The following MAMDC4 variants were observed in gnomAD, a reference collection of about 807,000 sequenced individuals.
MAMDC4 encodes apical endosomal glycoprotein.
A neutral mutation model predicts 153.3 loss-of-function variants in MAMDC4; 168 were observed. The ratio of observed to expected loss-of-function variants is 1.10; its 90% CI spans 0.97 to 1.25. The LOEUF (loss-of-function observed/expected upper bound fraction) is 1.25. Ranked by LOEUF, MAMDC4 falls within the 50% of genes most tolerant of loss-of-function variation. MAMDC4 has a pLI of 0.00. For synonymous variants in MAMDC4, 744 were observed against 651.5 expected (o/e 1.14, Z -2.16); for missense variants, 1,701 against 1,542.8 (o/e 1.10, Z -1.72).
chr9:136,857,384 C>G lies in MAMDC4; in HGVS notation c.2124C>G (p.Leu708=). 1 of 1,608,280 alleles carries G rather than the reference C, an allele frequency of 6.2e-7. No individual in the cohort carries two copies. Among genetic ancestry groups the G allele is most frequent in the South Asian group, 1.1e-5 (1 of 91,062 alleles). ...ACCCCCAGCTGCTGTTCGAGGGCCT[C>G]CGGGACGGATACCACGGCACCATGG... ...HAQYQLLFEG[L]RDGYHGTMAL... is the part of the protein sequence containing the mutation. The change falls in exon 18 of 27, where the codon CTC becomes CTG. Residue 708 remains leucine, a synonymous_variant. Transcript: ENST00000317446.
Position 136,854,826 on chromosome 9 carries a change from A to G in MAMDC4, c.999A>G (p.Gln333=). 6.2e-7 allele frequency: 1 copy of G among 1,612,768 alleles called. No homozygotes were observed. Among genetic ancestry groups the G allele is most frequent in the African/African-American group, 1.3e-5 (1 of 75,012 alleles). Residue 333 remains glutamine, a synonymous_variant, in exon 9 of 27, where the codon CAA becomes CAG. Coordinates refer to ENST00000317446, the MANE Select transcript of MAMDC4 (RefSeq NM_206920.3). ...TPAILSSPEF[Q]ASGTSNCSLV... ...CTATACTCTCCAGCCCCGAATTCCAAGCCTCAGGCACCTCCAACTGCTCGG... is the reference window on the plus strand; with the variant it reads ...CTATACTCTCCAGCCCCGAATTCCAGGCCTCAGGCACCTCCAACTGCTCGG...
rs1564387202 is a variant in MAMDC4, at chr9:136,856,273, T to G, written c.1720+124T>G. The G allele has an allele frequency of 2.0e-6, 3 of 1,489,592 alleles. No homozygotes were observed. The Admixed American group carries it at 5.0e-5, about 25-fold the overall frequency. 92.3% of individuals were successfully genotyped at this position (1,489,592 alleles called of 1,614,324 possible). ...GCTGGCCAGGCTTCCTGGCACTAGT[T>G]GTGGTGGACAACGGCTCCCGGGAGC... On this transcript the variant is annotated intron_variant, in intron 14 of 26. Coordinates refer to ENST00000317446, the MANE Select transcript of MAMDC4 (RefSeq NM_206920.3).
Position 136,858,215 on chromosome 9 carries a change from G to C in MAMDC4, c.2613G>C (p.Val871=). 1.3e-6 allele frequency: 2 copies of C among 1,598,754 alleles called. No individual in the cohort carries two copies. Among genetic ancestry groups the C allele is most frequent in the South Asian group, 2.2e-5 (2 of 90,026 alleles). The stretch of plus-strand genomic sequence containing the variant: ...TGTTTGAGGCAGTGGCCGCAGGCGT[G>C]GCACACTCCTACGTGGCTCTGGATG... ...RVVFEAVAAG[V]AHSYVALDDL... Residue 871 remains valine, a synonymous_variant, in exon 21 of 27, where the codon GTG becomes GTC. Coordinates refer to ENST00000317446, the MANE Select transcript of MAMDC4 (RefSeq NM_206920.3).
chr9:136,853,658 G>A lies in MAMDC4; in HGVS notation c.442G>A (p.Ala148Thr), dbSNP rs903929074. The change falls in exon 4 of 27, where the codon GCG becomes ACG. Residue 148 changes from alanine (A) to threonine (T), a missense_variant. By Grantham distance (58) the Ala-to-Thr change is moderately conservative. Transcript: ENST00000317446. ...SSCKLRLWYH[A>T]ASGDVAELRV... ...TTGCAAGCTGAGGCTCTGGTACCAC[G>A]CGGCCTCTGGAGGTGCACCCTGGAC... 8.7e-6 allele frequency: 14 copies of A among 1,611,590 alleles called. No individual in the cohort carries two copies. In the South Asian group the frequency reaches 1.1e-4, roughly 13 times the overall value.
At position 136,852,447 on chromosome 9, in the gene MAMDC4, T is replaced by C. The variant is rs1043092392; in HGVS notation, c.31T>C (p.Leu11=). The C allele has an allele frequency of 2.5e-6, 4 of 1,610,488 alleles. No individual in the cohort carries two copies. The Admixed American group carries it at 5.0e-5, about 20-fold the overall frequency. The change falls in exon 1 of 27, where the codon TTG becomes CTG. Residue 11 remains leucine, a synonymous_variant. Coordinates refer to ENST00000317446, the MANE Select transcript of MAMDC4 (RefSeq NM_206920.3). ...TCTGTCCAGCCACCTGCTGCCCGCC[T>C]TGGTCCTGTTCCTGGGTAAGTAGTC... The part of the protein sequence containing the change: MPLSSHLLPA[L]VLFLAGSSGW...
At chr9:136,856,685 T>A in intron 14 of MAMDC4, 25 bp from the exon 15 acceptor site, 1 of 1,608,308 alleles carries the variant, frequency 6.2e-7, no homozygotes, top group Non-Finnish European at 8.5e-7. Flanking sequence ...AGAAGGTGTG[T>A]GACGCCACCT....
rs1202260581 is a variant in MAMDC4, at chr9:136,859,995, G to A, written c.3303G>A (p.Lys1101=). 1.9e-6 allele frequency: 3 copies of A among 1,612,386 alleles called. No individual in the cohort carries two copies. The highest frequency in any genetic ancestry group is 1.3e-5 in the African/African-American group (1 of 75,034). ...GLGGRRWLQK[K]GSCPFQSNTE... is the part of the protein sequence containing the mutation. ...GGGGACGGCGCTGGCTGCAGAAGAAGGGGAGCTGCCCCTTCCAGAGCAACA... is the reference window on the plus strand; with the variant it reads ...GGGGACGGCGCTGGCTGCAGAAGAAAGGGAGCTGCCCCTTCCAGAGCAACA... The change falls in exon 26 of 27, where the codon AAG becomes AAA. Residue 1101 remains lysine, a synonymous_variant. Transcript: ENST00000317446.
rs1849027086 is a variant in MAMDC4, at chr9:136,857,687, A to G, written c.2355A>G (p.Pro785=). ...QGHYMVVDTS[P]DALPRGQTAS... ...ACTACATGGTGGTGGACACAAGCCCAGACGCACTACCCCGGGGCCAGACGG... is the reference window on the plus strand; with the variant it reads ...ACTACATGGTGGTGGACACAAGCCCGGACGCACTACCCCGGGGCCAGACGG... The change falls in exon 19 of 27, where the codon CCA becomes CCG. Residue 785 remains proline, a synonymous_variant. Transcript: ENST00000317446. The G allele has an allele frequency of 6.2e-7, 1 of 1,612,438 alleles. No homozygotes were observed. Among genetic ancestry groups the G allele is most frequent in the Non-Finnish European group, 8.5e-7 (1 of 1,179,808 alleles).
Position 136,858,005 on chromosome 9 carries a change from C to A in MAMDC4, c.2491C>A (p.Arg831Ser). ...PGTLRVYLEE[R>S]GRHQVLSLSA... ...CACCCTGCGGGTCTACCTGGAGGAG[C>A]GCGGGAGGCACCAGGTGCTCAGCCT... Residue 831 changes from arginine to serine, a missense_variant, in exon 20 of 27, where the codon CGC becomes AGC. Physicochemically the swap from Arg to Ser is moderately radical, Grantham distance 110 (BLOSUM62 -1). Transcript: ENST00000317446. 1 of 1,523,660 alleles carries A rather than the reference C, an allele frequency of 6.6e-7. No individual in the cohort carries two copies. The highest frequency in any genetic ancestry group is 8.8e-7 in the Non-Finnish European group (1 of 1,139,124). 94.4% of individuals were successfully genotyped at this position (1,523,660 alleles called of 1,614,324 possible).
chr9:136,859,890 C>T lies in MAMDC4; in HGVS notation c.3198C>T (p.Asn1066=), dbSNP rs764147910. 3.1e-6 allele frequency: 5 copies of T among 1,611,518 alleles called. No individual in the cohort carries two copies. The East Asian group carries it at 1.1e-4, about 36-fold the overall frequency. ...ACATGTCCCTATGGCCCACAGGGAACACAGCCGCACCCGGGTCTGTGCCAG... is the reference window on the plus strand; with the variant it reads ...ACATGTCCCTATGGCCCACAGGGAATACAGCCGCACCCGGGTCTGTGCCAG... The part of the protein sequence containing the change: ...HCQQPAPSPG[N]TAAPGSVPAV... The change falls in exon 26 of 27, where the codon AAC becomes AAT. Residue 1066 remains asparagine, a synonymous_variant. Coordinates refer to ENST00000317446, the MANE Select transcript of MAMDC4 (RefSeq NM_206920.3).
Position 136,860,062 on chromosome 9 carries a change from G to A in MAMDC4, c.3370G>A (p.Ala1124Thr). 3 of 1,567,858 alleles carry A rather than the reference G, an allele frequency of 1.9e-6. No homozygotes were observed. Among genetic ancestry groups the A allele is most frequent in the Non-Finnish European group, 2.6e-6 (3 of 1,156,052 alleles). ...TGGCTTTGACAACATCCTTTTCAAT[G>A]CGGTAGGAGCCCCTGGGGATGGGTG... ...APGFDNILFN[A>T]DGVTLPASVT... The change falls in exon 26 of 27, where the codon GCG (alanine) becomes ACG (threonine). Residue 1124 changes from alanine (A) to threonine (T), a missense_variant and splice_region_variant. Transcript: ENST00000317446.
chr9:136,853,873 C>T lies in MAMDC4; in HGVS notation c.551C>T (p.Ala184Val), dbSNP rs1033745771. The T allele has an allele frequency of 6.2e-7, 1 of 1,612,470 alleles. No homozygotes were observed. The highest frequency in any genetic ancestry group is 1.3e-5 in the African/African-American group (1 of 74,912). ...GPWGPGWQEL[A>V]VTTGRIRGDF... ...TGGGGCCCTGGCTGGCAGGAGTTGGCAGTGACCACAGGCCGCATCCGGGGT... is the reference window on the plus strand; with the variant it reads ...TGGGGCCCTGGCTGGCAGGAGTTGGTAGTGACCACAGGCCGCATCCGGGGT... Residue 184 changes from alanine to valine, a missense_variant, in exon 5 of 27, where the codon GCA becomes GTA. Transcript: ENST00000317446.
Position 136,858,061 on chromosome 9 carries a change from G to C in MAMDC4, c.2547G>C (p.Leu849=). The C allele has an allele frequency of 6.5e-7, 1 of 1,530,268 alleles. No homozygotes were observed. The highest frequency in any genetic ancestry group is 8.8e-7 in the Non-Finnish European group (1 of 1,140,426). The allele number at this position is 1,530,268 out of a possible 1,614,324, so 94.8% of individuals were successfully genotyped here. ...LSAHGGLAWR[L]GSMDVQAERA... ...CCCACGGCGGGCTTGCCTGGCGCCT[G>C]GGCAGCATGGACGTGCAGGCCGAGC... Residue 849 remains leucine, a synonymous_variant, in exon 20 of 27, where the codon CTG becomes CTC. Transcript: ENST00000317446.
chr9:136,854,186 G>C (rs751704893), intron 6 of MAMDC4, 25 bp from the exon 7 acceptor site: 6 of 1,611,898 alleles, frequency 3.7e-6, no homozygotes, highest in Non-Finnish European at 5.1e-6. Context: ...GGGCCTCGGT[G>C]AAGGGTTAAC....
At chr9:136,858,628 T>C in intron 22 of MAMDC4, 82 bp downstream of exon 22, 1 of 1,593,872 alleles carries the variant, frequency 6.3e-7, no homozygotes, top group Non-Finnish European at 8.5e-7. Flanking sequence ...ACATGCCCCA[T>C]CCAGAGGAGG....
chr9:136,858,356 C>T (rs1849038030), intron 21 of MAMDC4, 44 bp from the exon 22 acceptor site: 1 of 1,600,140 alleles, frequency 6.2e-7, no homozygotes, highest in African/African-American at 1.3e-5. Flanking sequence ...GTGCCCAGGG[C>T]TTGGGCCGTG....
Position 136,853,402 on chromosome 9 carries a change from G to T in MAMDC4, c.272G>T (p.Gly91Val). The T allele has an allele frequency of 1.2e-6, 2 of 1,604,862 alleles. No individual in the cohort carries two copies. Among genetic ancestry groups the T allele is most frequent in the South Asian group, 2.2e-5 (2 of 90,624 alleles). The stretch of plus-strand genomic sequence containing the variant: ...TACAGCTGGCTCCGAGACAGGGCAG[G>T]GGCCGCACTGGAGGGTCCTGGGCCT... Reference protein sequence around the residue: ...SGYSWLRDRAGAALEGPGPHS... With the variant: ...SGYSWLRDRAVAALEGPGPHS... Residue 91 changes from glycine to valine, a missense_variant, in exon 3 of 27, where the codon GGG becomes GTG. Gly to Val is a moderately radical substitution (Grantham distance 109, BLOSUM62 -3). Transcript: ENST00000317446.
chr9:136,857,090 G>C, intron 16 of MAMDC4, 49 bp downstream of exon 16: 3 of 1,603,422 alleles, frequency 1.9e-6, no homozygotes, highest in Non-Finnish European at 2.6e-6. Flanking sequence ...GCCCCCGGGG[G>C]TTCAGAGTCC....
At chr9:136,859,372 C>G in intron 25 of MAMDC4, 55 bp downstream of exon 25, 1 of 1,505,348 alleles carries the variant, frequency 6.6e-7, no homozygotes, top group South Asian at 1.2e-5. Context: ...GCCAGCCTGG[C>G]TCGGGGTTTG....
Sources: gnomAD v4.1 joint callset for allele counts on GRCh38, gnomAD v4.1.1 for gene constraint, MANE v1.5 for transcripts, NCBI Gene and HGNC (gene_info 2026-07-23, HGNC 2026-07-21) for gene names.